RANBP2: variants seen among roughly 807,000 people sequenced by gnomAD.
RANBP2 encodes RAN binding protein 2.
RANBP2 carries 57 observed loss-of-function variants against 303.6 expected under a neutral mutation model. The observed-to-expected ratio is 0.19, with a 90% CI of 0.15 to 0.23. The LOEUF (loss-of-function observed/expected upper bound fraction) is 0.23. Ranked by LOEUF, RANBP2 falls within the 10% of genes least tolerant of loss-of-function variation. The pLI, the probability that RANBP2 is intolerant of heterozygous loss-of-function variation, is 1.00. For synonymous variants in RANBP2, 1,167 were observed against 1,301.5 expected (o/e 0.90, Z 2.23); for missense variants, 3,138 against 3,780.8 (o/e 0.83, Z 4.46).
the RANBP2 span, chr2:109,613,659 G>C: frequency 1.8e-6 from 1 of 544,930 alleles, no homozygotes; most frequent in African/African-American, 2.0e-5. Context: ...GCGGAAGCCG[G>C]GGAGCACTGG....
chr2:109,221,594 A>C, the RANBP2 span, among the ~76,000 whole-genome samples: 1 of 151,894 alleles, frequency 6.6e-6, no homozygotes, highest in African/African-American at 2.4e-5. Flanking sequence ...AAAAAAAAAA[A>C]AAAAAAAAGT....
At position 108,777,111 on chromosome 2, in the gene RANBP2, T is replaced by C; in HGVS notation, c.8498-19T>C. Reference sequence around the variant, plus strand: ...CAGCACAAATTAAATAGTAAATTGTTCTTTTTTTCTTTTGCCAGGGGAAAG... The same window carrying C: ...CAGCACAAATTAAATAGTAAATTGTCCTTTTTTTCTTTTGCCAGGGGAAAG... On this transcript the variant is annotated intron_variant, in intron 24 of 28. Coordinates refer to ENST00000283195, the MANE Select transcript of RANBP2 (RefSeq NM_006267.5). The C allele has an allele frequency of 6.2e-7, 1 of 1,606,454 alleles. No individual in the cohort carries two copies. The highest frequency in any genetic ancestry group is 2.2e-5 in the East Asian group (1 of 44,766).
At chr2:109,391,107 C>G in the RANBP2 span, among the ~76,000 whole-genome samples, 1 of 152,224 alleles carries the variant, frequency 6.6e-6, no homozygotes, top group Non-Finnish European at 1.5e-5. Flanking sequence ...GAAAACCATT[C>G]GCTCCGACTC....
At chr2:109,298,958 G>A in the RANBP2 span, among the ~76,000 whole-genome samples, 1 of 152,210 alleles carries the variant, frequency 6.6e-6, no homozygotes, top group Admixed American at 6.5e-5. Context: ...GAAAAAGCCA[G>A]GCCGTATGAC....
At chr2:109,599,848 G>A in the RANBP2 span, among the ~76,000 whole-genome samples, 1 of 152,078 alleles carries the variant, frequency 6.6e-6, no homozygotes, top group Non-Finnish European at 1.5e-5. Context: ...ATTTATTATA[G>A]AAAAAATATC....
At chr2:109,466,233 C>T in the RANBP2 span, among the ~76,000 whole-genome samples, 4 of 152,140 alleles carry the variant, frequency 2.6e-5, no homozygotes, top group African/African-American at 9.6e-5. Context: ...CAGGCGCGTG[C>T]CACCACACCC....
At chr2:108,887,896 A>G in the RANBP2 span, among the ~76,000 whole-genome samples, 1 of 152,140 alleles carries the variant, frequency 6.6e-6, no homozygotes, top group Non-Finnish European at 1.5e-5. Context: ...TAGGATTTCC[A>G]GTACTACATT....
At chr2:109,349,721 A>G in the RANBP2 span, among the ~76,000 whole-genome samples, 1 of 152,210 alleles carries the variant, frequency 6.6e-6, no homozygotes, top group South Asian at 2.1e-4. Flanking sequence ...GGGAGAACCC[A>G]CTGTGAACGG....
chr2:108,720,028 C>G (rs1422161599), intron 1 of RANBP2: 1 of 985,268 alleles, frequency 1.0e-6, no homozygotes, highest in Non-Finnish European at 1.2e-6. Context: ...CTTGGGCACC[C>G]GGGTGCTGTA....
At chr2:109,079,923 A>G in the RANBP2 span, among the ~76,000 whole-genome samples, 3 of 152,204 alleles carry the variant, frequency 2.0e-5, no homozygotes, top group Middle Eastern at 3.2e-3. Context: ...CTACACGGCC[A>G]TGGGTGTGAG....
chr2:108,813,619 A>T, the RANBP2 span, among the ~76,000 whole-genome samples: 1 of 152,194 alleles, frequency 6.6e-6, no homozygotes, highest in Non-Finnish European at 1.5e-5. Context: ...GAATTTTTAA[A>T]ATTTGAGATA....
chr2:109,307,492 A>G, the RANBP2 span, among the ~76,000 whole-genome samples: 1 of 149,634 alleles, frequency 6.7e-6, no homozygotes, highest in Admixed American at 6.6e-5. Context: ...TTACATATGT[A>G]TACATGTGCC....
At chr2:109,627,259 C>T in the RANBP2 span, among the ~76,000 whole-genome samples, 18 of 152,186 alleles carry the variant, frequency 1.2e-4, no homozygotes, top group African/African-American at 4.1e-4. Flanking sequence ...TGCAGTGGTG[C>T]TATCTCAGCT....
rs1381439773 is a variant in RANBP2 at position 108,751,283 on chromosome 2, T to C, written c.1293T>C (p.Asn431=). 1 of 1,611,844 alleles carries C rather than the reference T, an allele frequency of 6.2e-7. No individual in the cohort carries two copies. Among genetic ancestry groups the C allele is most frequent in the East Asian group, 2.2e-5 (1 of 44,880 alleles). The part of the protein sequence containing the change: ...RYDVGAIRAH[N]GSLQHLTWLG... ...TTTCAGGTGCTATTCGAGCACATAA[T>C]GGTAGTCTTCAGCACCTTACTTGGC... The change falls in exon 10 of 29, where the codon AAT becomes AAC. Residue 431 remains asparagine (N), a synonymous_variant. Transcript: ENST00000283195.
At chr2:109,469,147 A>G in the RANBP2 span, among the ~76,000 whole-genome samples, 1 of 152,168 alleles carries the variant, frequency 6.6e-6, no homozygotes, top group Non-Finnish European at 1.5e-5. Context: ...CACCCCAAGA[A>G]TGCGGGCCCC....
At chr2:108,811,163 C>G in the RANBP2 span, among the ~76,000 whole-genome samples, 3 of 150,386 alleles carry the variant, frequency 2.0e-5, no homozygotes, top group East Asian at 1.9e-4. Context: ...TCCCTACCCC[C>G]CTAACCCTGC....
At chr2:109,680,378 AT>A in the RANBP2 span, among the ~76,000 whole-genome samples, 32 of 151,536 alleles carry the variant, frequency 2.1e-4, no homozygotes, top group South Asian at 4.2e-3. Context: ...CTCAAAAAAA[AT>A]AATAAAAAAA....
the RANBP2 span, among the ~76,000 whole-genome samples, chr2:109,765,729 G>T: frequency 6.6e-6 from 1 of 150,996 alleles, no homozygotes; most frequent in African/African-American, 2.4e-5. Context: ...ACACAGGCAG[G>T]GAGGGATGCA....
chr2:108,818,963 C>T, the RANBP2 span, among the ~76,000 whole-genome samples: 2 of 151,930 alleles, frequency 1.3e-5, no homozygotes, highest in African/African-American at 4.8e-5. Flanking sequence ...GATTCAGTAA[C>T]ATAAGGGTGG....
Sources: allele counts gnomAD v4.1 joint callset (sites outside exome capture counted in the v4.1 genomes callset), GRCh38; gene constraint gnomAD v4.1.1; transcripts MANE v1.5; gene names NCBI Gene and HGNC (gene_info 2026-07-23, HGNC 2026-07-21).